Variants in TLE2 observed in about 807,000 individuals in gnomAD.
TLE2 encodes TLE family member 2, transcriptional corepressor, also known as transducin-like enhancer protein 2.
TLE2 carries 74 observed loss-of-function variants against 97.2 expected under a neutral mutation model. The ratio of observed to expected loss-of-function variants is 0.76; its 90% CI spans 0.63 to 0.92. TLE2 has a LOEUF of 0.92. Ranked by LOEUF, TLE2 falls within the 40% of genes least tolerant of loss-of-function variation. The pLI, the probability that TLE2 is intolerant of heterozygous loss-of-function variation, is 0.00. For missense variants in TLE2, 1,038 were observed against 1,008.7 expected (o/e 1.03, Z -0.39); for synonymous variants, 499 against 432.1 (o/e 1.15, Z -1.92).
intron 1 of TLE2, among the ~76,000 whole-genome samples, chr19:3,036,834 GA>G: frequency 6.6e-6 from 1 of 152,316 alleles, no homozygotes; most frequent in Non-Finnish European, 1.5e-5. Flanking sequence ...AGTTTGGGAG[GA>G]GGGGGAGACA....
At position 3,028,809 on chromosome 19, in the gene TLE2, G is replaced by T. The variant is rs201423306; in HGVS notation, c.25-6C>A. The T allele has an allele frequency of 6.2e-7, 1 of 1,612,376 alleles. No individual in the cohort carries two copies. The highest frequency in any genetic ancestry group is 1.3e-5 in the African/African-American group (1 of 75,028). ...TGGCCGGACTGGAGCGGGGTCTGGG[G>T]GGGGTGTGGGGGAAACGTCAGGGTC... On this transcript the variant is annotated splice_region_variant and splice_polypyrimidine_tract_variant and intron_variant, in intron 1 of 19. Transcript: ENST00000262953.
chr19:3,008,791 A>G (rs1807662177), intron 14 of TLE2, 78 bp downstream of exon 14: 1 of 1,227,082 alleles, frequency 8.1e-7, no homozygotes, highest in Non-Finnish European at 1.1e-6. Flanking sequence ...GGAGACCCCA[A>G]CCACAGAGGG....
chr19:3,018,706 C>A (rs537622794), intron 7 of TLE2, among the ~76,000 whole-genome samples: 95 of 152,048 alleles, frequency 6.2e-4, no homozygotes, highest in Non-Finnish European at 1.0e-3. Flanking sequence ...CCTCCGCCTC[C>A]CAGGTTCAAG....
At chr19:3,020,567 A>C (rs2089817544) in intron 5 of TLE2, 1 of 151,854 alleles carries the variant, frequency 6.6e-6, no homozygotes, top group African/African-American at 2.4e-5. Flanking sequence ...TCCCTCCTCC[A>C]CCTTCATGAC....
intron 17 of TLE2, among the ~76,000 whole-genome samples, chr19:3,002,979 G>A (rs1340052576): frequency 6.6e-6 from 1 of 152,142 alleles, no homozygotes; most frequent in African/African-American, 2.4e-5. Context: ...GACTACAGGT[G>A]TGAGCCACCA....
At chr19:3,017,962 C>T (rs1040908535) in intron 7 of TLE2, 103 bp from the exon 8 acceptor site, 4 of 1,000,058 alleles carry the variant, frequency 4.0e-6, no homozygotes, top group South Asian at 1.6e-5. Context: ...AAGCCCCCCG[C>T]CCCCACCACC....
intron 5 of TLE2, among the ~76,000 whole-genome samples, chr19:3,023,714 G>A (rs2089890460): frequency 6.6e-6 from 1 of 151,834 alleles, no homozygotes; most frequent in Non-Finnish European, 1.5e-5. Context: ...GCAACATAGG[G>A]AGACCCGTCT....
chr19:3,029,559 G>GTGGA, upstream of TLE2: 1 of 489,538 alleles, frequency 2.0e-6, no homozygotes, highest in Non-Finnish European at 2.4e-6. Context: ...CCGTGGGAGC[G>GTGGA]GGGGGGGGGG....
chr19:3,006,236 C>T, intron 15 of TLE2, 184 bp downstream of exon 15: 1 of 922,898 alleles, frequency 1.1e-6, no homozygotes, highest in Non-Finnish European at 1.7e-6. Context: ...TTCAGATTGG[C>T]CAGAGCCCCA....
At chr19:3,006,375 A>T (rs953175560) in intron 15 of TLE2, 45 bp downstream of exon 15, 10 of 1,583,088 alleles carry the variant, frequency 6.3e-6, no homozygotes, top group Non-Finnish European at 8.6e-6. Flanking sequence ...CATAAGCCCC[A>T]CCCCTCACCT....
Position 3,002,458 on chromosome 19 carries a change from C to T in TLE2, c.1942G>A (p.Gly648Arg), listed in dbSNP as rs1454847287. 2 of 1,602,364 alleles carry T rather than the reference C, an allele frequency of 1.2e-6. No homozygotes were observed. The highest frequency in any genetic ancestry group is 2.3e-5 in the East Asian group (1 of 44,332). The change falls in exon 18 of 20, where the codon GGA becomes AGA. Residue 648 changes from glycine to arginine, a missense_variant. By Grantham distance (125) the Gly-to-Arg change is moderately radical. Transcript: ENST00000262953. Reference protein sequence around the residue: ...HCPNQDWLAVGMESSNVEILH... With the variant: ...HCPNQDWLAVRMESSNVEILH... ...ATCTCCACGTTGCTACTCTCCATTCCGACCGCCAGCCAGTCCTGGTTAGGG... is the reference window on the plus strand; with the variant it reads ...ATCTCCACGTTGCTACTCTCCATTCTGACCGCCAGCCAGTCCTGGTTAGGG...
Position 3,035,100 on chromosome 19 carries a change from G to A in TLE2, c.64-6297C>T, listed in dbSNP as rs574613185. Among the ~76,000 whole-genome samples the A allele has an allele frequency of 3.3e-5, 5 of 152,242 alleles. No homozygotes were observed. The East Asian group carries it at 9.7e-4, about 29-fold the overall frequency. On this transcript the variant is annotated intron_variant, in intron 1 of 18. Transcript: ENST00000426948. ...AGCCACAAGACCACACACGCACACAGGAACACACCCCATCCCTTAGTGTGT... is the reference window on the plus strand; with the variant it reads ...AGCCACAAGACCACACACGCACACAAGAACACACCCCATCCCTTAGTGTGT...
chr19:3,011,240 G>A, intron 11 of TLE2, 80 bp from the exon 12 acceptor site: 1 of 1,449,816 alleles, frequency 6.9e-7, no homozygotes, highest in Non-Finnish European at 9.2e-7. Context: ...AACTGGGGTT[G>A]GGGGCGGCCA....
intron 4 of TLE2, among the ~76,000 whole-genome samples, chr19:3,027,485 A>G (rs780649390): frequency 2.6e-5 from 4 of 152,318 alleles, no homozygotes; most frequent in South Asian, 4.1e-4. Flanking sequence ...GCTCCCTCCT[A>G]GGACAGAAGT....
rs1390868561 is a variant in TLE2 at position 3,008,915 on chromosome 19, C to G, written c.1204G>C (p.Gly402Arg). ...GGTAGGGAGGAAGAGACGGATGACCCTCGGAGATGGGGATGAGACTCAAAT... is the reference window on the plus strand; with the variant it reads ...GGTAGGGAGGAAGAGACGGATGACCGTCGGAGATGGGGATGAGACTCAAAT... ...MAFESHPHLRGSSVSSSLPSI... is the reference protein window; with the variant it reads ...MAFESHPHLRRSSVSSSLPSI... Residue 402 changes from glycine (G) to arginine (R), a missense_variant, in exon 14 of 20, where the codon GGG becomes CGG. By Grantham distance (125) the Gly-to-Arg change is moderately radical (BLOSUM62 -2). Transcript: ENST00000262953. 6.3e-7 allele frequency: 1 copy of G among 1,595,124 alleles called. No individual in the cohort carries two copies. The highest frequency in any genetic ancestry group is 1.7e-5 in the Admixed American group (1 of 57,930).
chr19:3,043,456 C>T (rs1023367951), intron 1 of TLE2, among the ~76,000 whole-genome samples: 16 of 144,456 alleles, frequency 1.1e-4, no homozygotes, highest in African/African-American at 2.6e-4. Context: ...GGATTACAGG[C>T]GTGAGCCACC....
intron 2 of TLE2, 34 bp downstream of exon 2, chr19:3,028,672 G>T (rs2089987825): frequency 6.2e-7 from 1 of 1,609,562 alleles, no homozygotes; most frequent in African/African-American, 1.3e-5. Flanking sequence ...GCGCCCAGGT[G>T]AACTCCCGCG....
intron 5 of TLE2, among the ~76,000 whole-genome samples, chr19:3,021,874 C>A (rs958230302): frequency 6.6e-6 from 1 of 152,074 alleles, no homozygotes; most frequent in African/African-American, 2.4e-5. Context: ...TGAGCCACTG[C>A]GCCCAGCCTA....
chr19:3,039,599 G>A (rs143868676), intron 1 of TLE2, among the ~76,000 whole-genome samples: 2,817 of 152,202 alleles, frequency 0.019, 36 homozygotes, highest in Middle Eastern at 0.044. Context: ...CCGAGGCCTC[G>A]TGGCTCTGGG....
Sources: allele counts gnomAD v4.1 joint callset (sites outside exome capture counted in the v4.1 genomes callset), GRCh38; gene constraint gnomAD v4.1.1; transcripts MANE v1.5; gene names NCBI Gene and HGNC (gene_info 2026-07-23, HGNC 2026-07-21).